OCA2: variants seen among roughly 807,000 people sequenced by gnomAD.
OCA2 encodes the protein P protein.
In OCA2, 77 loss-of-function variants were observed where a neutral mutation model predicts 100.2. The observed-to-expected ratio is 0.77, with a 90% CI of 0.64 to 0.93. The LOEUF is 0.93. Among genes scored for constraint, OCA2 ranks in the 40% least tolerant of loss-of-function variants. The pLI is 0.00. For missense variants in OCA2, 1,062 were observed against 1,089.1 expected, an observed-to-expected ratio of 0.98 and a Z score of 0.35; for synonymous variants, 432 against 439.2, an observed-to-expected ratio of 0.98 and a Z score of 0.21.
intron 2 of OCA2, among the ~76,000 whole-genome samples, chr15:28,062,857 T>C (rs2043916326): frequency 2.0e-5 from 3 of 152,202 alleles, no homozygotes; most frequent in Admixed American, 2.0e-4. Context: ...TGAAAATCAA[T>C]TGAATTTACA....
chr15:27,808,750 G>A (rs1294333338), intron 23 of OCA2, among the ~76,000 whole-genome samples: 2 of 152,192 alleles, frequency 1.3e-5, no homozygotes, highest in African/African-American at 2.4e-5. Context: ...TGGGCATCAA[G>A]GAAGAAGCTG....
intron 1 of OCA2, among the ~76,000 whole-genome samples, chr15:28,085,178 G>A (rs921264015): frequency 1.3e-5 from 2 of 152,108 alleles, no homozygotes; most frequent in African/African-American, 2.4e-5. Flanking sequence ...GTGGGCCCCA[G>A]TACTGCCCAG....
intron 21 of OCA2, among the ~76,000 whole-genome samples, chr15:27,870,155 C>T (rs985394537): frequency 6.6e-6 from 1 of 152,172 alleles, no homozygotes; most frequent in Non-Finnish European, 1.5e-5. Flanking sequence ...TGCTCCAGCC[C>T]GGGGGTGCCA....
chr15:27,933,303 A>G (rs920177017), intron 18 of OCA2, among the ~76,000 whole-genome samples: 1 of 150,184 alleles, frequency 6.7e-6, no homozygotes, highest in African/African-American at 2.4e-5. Flanking sequence ...AGTGAAAAAA[A>G]GCAGAAATAA....
At chr15:27,763,345 GT>G (rs2030991510) in intron 23 of OCA2, among the ~76,000 whole-genome samples, 1 of 152,216 alleles carries the variant, frequency 6.6e-6, no homozygotes, top group South Asian at 2.1e-4. Flanking sequence ...TGCTAGGAGG[GT>G]ATAAAGACAT....
chr15:27,958,568 T>C (rs560478481), intron 15 of OCA2, among the ~76,000 whole-genome samples: 4 of 152,298 alleles, frequency 2.6e-5, no homozygotes, highest in Admixed American at 6.5e-5. Flanking sequence ...CTGAAATCTA[T>C]AGAATGAGCA....
At chr15:27,978,115 T>A (rs2041028145) in intron 14 of OCA2, among the ~76,000 whole-genome samples, 3 of 152,240 alleles carry the variant, frequency 2.0e-5, no homozygotes, top group African/African-American at 7.2e-5. Flanking sequence ...TTTCCACATA[T>A]CCTTGTTATT....
At chr15:27,789,613 G>A (rs2032985235) in intron 23 of OCA2, among the ~76,000 whole-genome samples, 1 of 152,022 alleles carries the variant, frequency 6.6e-6, no homozygotes, top group Admixed American at 6.5e-5. Flanking sequence ...ATGCCCTCAG[G>A]GACACAGGGG....
intron 23 of OCA2, among the ~76,000 whole-genome samples, chr15:27,798,448 T>C (rs1226507995): frequency 6.6e-6 from 1 of 152,220 alleles, no homozygotes; most frequent in Non-Finnish European, 1.5e-5. Flanking sequence ...TAATGACTTA[T>C]AATTGTTTAT....
chr15:27,765,129 G>A (rs1418355986), intron 23 of OCA2, among the ~76,000 whole-genome samples: 1 of 152,106 alleles, frequency 6.6e-6, no homozygotes, highest in African/African-American at 2.4e-5. Flanking sequence ...CTCTTACCAG[G>A]TGAGTGTAGC....
At chr15:28,072,089 C>G (rs1031049126) in intron 2 of OCA2, among the ~76,000 whole-genome samples, 3 of 152,310 alleles carry the variant, frequency 2.0e-5, no homozygotes, top group Admixed American at 2.0e-4. Flanking sequence ...TAACCCCGGC[C>G]GGGCACAGTG....
intron 19 of OCA2, among the ~76,000 whole-genome samples, chr15:27,890,525 C>A (rs2037412814): frequency 1.3e-5 from 2 of 152,176 alleles, no homozygotes; most frequent in Admixed American, 6.5e-5. Flanking sequence ...TCTTCTCTGA[C>A]ACCAGGAGAG....
chr15:27,946,300 A>G (rs1238272307), intron 18 of OCA2, among the ~76,000 whole-genome samples: 1 of 152,214 alleles, frequency 6.6e-6, no homozygotes, highest in Non-Finnish European at 1.5e-5. Flanking sequence ...TCTCTATTTG[A>G]GTCCTTGTGG....
intron 19 of OCA2, among the ~76,000 whole-genome samples, chr15:27,872,376 T>A (rs1567045419): frequency 6.6e-6 from 1 of 152,216 alleles, no homozygotes; most frequent in African/African-American, 2.4e-5. Context: ...AAAAGTCTAT[T>A]TAACTGGCAC....
rs146356373 is a variant in OCA2 at position 27,911,158 on chromosome 15, C to T, written c.2079+14969G>A. On this transcript the variant is annotated intron_variant, in intron 19 of 23. Coordinates refer to ENST00000354638, the MANE Select transcript of OCA2 (RefSeq NM_000275.3). ...AACCATGGTAATGGTTCAAATATCC[C>T]ATCTTAGTCCATTTATGATGCAATA... 2.6e-3 allele frequency among the ~76,000 whole-genome samples: 394 copies of T among 152,140 alleles called. 8 individuals carry two copies. The highest frequency in any genetic ancestry group is 5.4e-4 in the Non-Finnish European group (37 of 67,996).
chr15:28,071,153 T>A (rs2044246498), intron 2 of OCA2, among the ~76,000 whole-genome samples: 2 of 117,690 alleles, frequency 1.7e-5, no homozygotes, highest in Non-Finnish European at 3.1e-5. Context: ...ACCCAAGAAT[T>A]ATCAATAAAA....
intron 19 of OCA2, among the ~76,000 whole-genome samples, chr15:27,923,293 A>G (rs553662626): frequency 1.3e-4 from 20 of 152,330 alleles, no homozygotes; most frequent in South Asian, 2.1e-4. Flanking sequence ...GCTATGGTGA[A>G]TAATGCTGCA....
chr15:28,033,752 A>C (rs777983325), intron 2 of OCA2, among the ~76,000 whole-genome samples: 1 of 152,212 alleles, frequency 6.6e-6, no homozygotes, highest in Non-Finnish European at 1.5e-5. Context: ...AGATTTAATA[A>C]TTAGCATGCT....
At chr15:28,054,548 A>G (rs2043627832) in intron 2 of OCA2, among the ~76,000 whole-genome samples, 1 of 152,168 alleles carries the variant, frequency 6.6e-6, no homozygotes, top group Non-Finnish European at 1.5e-5. Flanking sequence ...TGAGACCTCA[A>G]TACATCACGT....
Sources: gnomAD v4.1 joint callset for allele counts (sites outside exome capture counted in the v4.1 genomes callset) on GRCh38, gnomAD v4.1.1 for gene constraint, MANE v1.5 for transcripts, NCBI Gene and HGNC (gene_info 2026-07-23, HGNC 2026-07-21) for gene names.